Variants in SNTG1 observed in about 807,000 individuals in gnomAD.
SNTG1 encodes the protein syntrophin gamma 1.
SNTG1 carries 39 observed loss-of-function variants against 74.7 expected under a neutral mutation model. That is an observed-to-expected ratio of 0.52 (90% CI 0.40 to 0.68). The LOEUF (loss-of-function observed/expected upper bound fraction) is 0.68. Ranked by LOEUF, SNTG1 falls within the 30% of genes least tolerant of loss-of-function variation. The pLI is 0.00. For missense variants in SNTG1, 685 were observed against 609.5 expected, an observed-to-expected ratio of 1.12 and a Z score of -1.30; for synonymous variants, 254 against 217.1, an observed-to-expected ratio of 1.17 and a Z score of -1.49.
intron 1 of SNTG1, among the ~76,000 whole-genome samples, chr8:50,046,676 A>T (rs2130851270): frequency 6.6e-6 from 1 of 152,314 alleles, no homozygotes; most frequent in East Asian, 1.9e-4. Flanking sequence ...AACAAAGAGA[A>T]TCCCAGCATT....
chr8:50,171,641 A>G (rs1401713560), intron 1 of SNTG1, among the ~76,000 whole-genome samples: 1 of 152,174 alleles, frequency 6.6e-6, no homozygotes, highest in Non-Finnish European at 1.5e-5. Flanking sequence ...GTTAACCATC[A>G]CACCATCCAA....
intron 18 of SNTG1, among the ~76,000 whole-genome samples, chr8:50,769,591 A>G (rs142050638): frequency 1.5e-3 from 227 of 152,184 alleles, no homozygotes; most frequent in African/African-American, 5.0e-3. Flanking sequence ...GAAGCTATAC[A>G]TATGTCTATT....
chr8:50,711,720 C>A (rs1046014823), intron 17 of SNTG1, among the ~76,000 whole-genome samples: 1 of 152,080 alleles, frequency 6.6e-6, no homozygotes, highest in African/African-American at 2.4e-5. Context: ...GAGCATAAGA[C>A]GTATTAAATA....
intron 2 of SNTG1, among the ~76,000 whole-genome samples, chr8:50,266,853 T>C (rs2087508791): frequency 6.6e-6 from 1 of 152,058 alleles, no homozygotes; most frequent in Admixed American, 6.6e-5. Context: ...AACTCCACTT[T>C]AAGCATCAGT....
intron 8 of SNTG1, among the ~76,000 whole-genome samples, chr8:50,466,977 G>T (rs1014581138): frequency 2.0e-5 from 3 of 151,736 alleles, no homozygotes; most frequent in African/African-American, 7.3e-5. Flanking sequence ...GGGTTTGTCT[G>T]GATTGCAAAC....
At chr8:50,653,304 G>A (rs1585969695) in intron 13 of SNTG1, among the ~76,000 whole-genome samples, 2 of 152,036 alleles carry the variant, frequency 1.3e-5, no homozygotes, top group East Asian at 3.9e-4. Flanking sequence ...AAGTGGTGGT[G>A]TGTGTGCCTG....
intron 1 of SNTG1, among the ~76,000 whole-genome samples, chr8:49,914,129 C>T (rs989464794): frequency 7.2e-5 from 11 of 152,148 alleles, no homozygotes; most frequent in African/African-American, 2.6e-4. Flanking sequence ...CCTACCAATG[C>T]TAATCTCTAA....
At chr8:50,574,047 A>C (rs1342998540) in intron 12 of SNTG1, among the ~76,000 whole-genome samples, 1 of 152,072 alleles carries the variant, frequency 6.6e-6, no homozygotes, top group Non-Finnish European at 1.5e-5. Context: ...TACTATTTTC[A>C]GTAATTACCT....
chr8:50,115,323 T>C (rs2080769325), intron 1 of SNTG1, among the ~76,000 whole-genome samples: 1 of 151,804 alleles, frequency 6.6e-6, no homozygotes, highest in African/African-American at 2.4e-5. Flanking sequence ...TCCCAGCACT[T>C]TGGGAGGCCG....
intron 2 of SNTG1, among the ~76,000 whole-genome samples, chr8:50,258,727 T>C (rs531993467): frequency 1.3e-5 from 2 of 152,192 alleles, no homozygotes; most frequent in African/African-American, 4.8e-5. Context: ...ATAGAGATTA[T>C]ATCATCTGAA....
At chr8:50,721,245 C>T (rs1043491706) in intron 17 of SNTG1, among the ~76,000 whole-genome samples, 4 of 152,084 alleles carry the variant, frequency 2.6e-5, no homozygotes, top group Non-Finnish European at 4.4e-5. Context: ...TCCCTGTTTT[C>T]TGATGGAGCT....
At chr8:50,461,185 G>GTGTA (rs1474669797) in intron 8 of SNTG1, among the ~76,000 whole-genome samples, 1 of 151,156 alleles carries the variant, frequency 6.6e-6, no homozygotes, top group African/African-American at 2.4e-5. Flanking sequence ...GTGTGTGTGT[G>GTGTA]TGTGTGTGTG....
intron 1 of SNTG1, among the ~76,000 whole-genome samples, chr8:49,941,719 A>T (rs1246498794): frequency 6.6e-6 from 1 of 151,940 alleles, no homozygotes; most frequent in Non-Finnish European, 1.5e-5. Context: ...CCACTAGCAG[A>T]TGTCCTGAAC....
chr8:50,229,612 A>G (rs2132052094), intron 2 of SNTG1, among the ~76,000 whole-genome samples: 1 of 151,618 alleles, frequency 6.6e-6, no homozygotes, highest in East Asian at 1.9e-4. Context: ...GTTGTTAAAG[A>G]TAAAAATATG....
intron 13 of SNTG1, among the ~76,000 whole-genome samples, chr8:50,639,455 C>T (rs914364191): frequency 4.0e-5 from 6 of 151,752 alleles, no homozygotes; most frequent in African/African-American, 7.3e-5. Flanking sequence ...AAATGTAATG[C>T]CATTTTAGCA....
At chr8:50,336,366 G>C (rs1397983898) in intron 2 of SNTG1, among the ~76,000 whole-genome samples, 2 of 152,124 alleles carry the variant, frequency 1.3e-5, no homozygotes, top group Non-Finnish European at 2.9e-5. Context: ...ACTGCCTGCT[G>C]TTTCTTCTTT....
chr8:50,088,186 G>A (rs1388227009), intron 1 of SNTG1, among the ~76,000 whole-genome samples: 3 of 151,416 alleles, frequency 2.0e-5, no homozygotes, highest in Admixed American at 2.0e-4. Flanking sequence ...TATCATTGTT[G>A]GACATTTGGG....
At chr8:50,381,725 T>C (rs560406426) in intron 2 of SNTG1, among the ~76,000 whole-genome samples, 1 of 140,678 alleles carries the variant, frequency 7.1e-6, no homozygotes, top group South Asian at 2.2e-4. Context: ...AGGATATATA[T>C]ATCCTATTAG....
intron 16 of SNTG1, among the ~76,000 whole-genome samples, chr8:50,705,331 T>C (rs1279190141): frequency 6.6e-6 from 1 of 152,222 alleles, no homozygotes; most frequent in South Asian, 2.1e-4. Flanking sequence ...TCTGGTTTTT[T>C]TACAGATAAG....
Sources: allele counts gnomAD v4.1 joint callset (sites outside exome capture counted in the v4.1 genomes callset), GRCh38; gene constraint gnomAD v4.1.1; transcripts MANE v1.5; gene names NCBI Gene and HGNC (gene_info 2026-07-23, HGNC 2026-07-21).